The following MAX variants were observed in gnomAD, a reference collection of about 807,000 sequenced individuals.
MAX encodes the protein protein max.
Under a neutral mutation model 22.3 loss-of-function variants are expected in MAX, and 3 were observed. The observed-to-expected ratio is 0.13, with a 90% CI of 0.06 to 0.35. MAX has a LOEUF of 0.35. Ranked by LOEUF, MAX falls within the 10% of genes least tolerant of loss-of-function variation. The pLI is 1.00. For synonymous variants in MAX, 72 were observed against 77.7 expected (o/e 0.93, Z 0.39); for missense variants, 119 against 209.4 (o/e 0.57, Z 2.66).
Position 65,032,549 on chromosome 14 carries a change from T to C in MAX, c.172-26265A>G, listed in dbSNP as rs2062106830. On this transcript the variant is annotated intron_variant, in intron 3 of 3. Transcript: ENST00000341653. The surrounding 1 kb of genome is among the most constrained non-coding windows in gnomAD (Gnocchi z 5.0). ...AAGGCGAGCAGTCCGCCCGCGGAGT[T>C]CACTGAGCCTCATTAGCTCTTCCGT... 2.5e-6 allele frequency: 4 copies of C among 1,592,174 alleles called. No homozygotes were observed. Among genetic ancestry groups the C allele is most frequent in the African/African-American group, 1.3e-5 (1 of 74,330 alleles).
At position 65,054,712 on chromosome 14, in the gene MAX, C is replaced by T; in HGVS notation, c.171+38996G>A. On this transcript the variant is annotated intron_variant, in intron 3 of 3. Transcript: ENST00000341653. The surrounding 1 kb of genome is among the most constrained non-coding windows in gnomAD (Gnocchi z 4.4). ...CTGGTAAGACGGGTGCAGGGCTTCA[C>T]ACCCCTTCTCCACAGGGACCTCGCG... 2 of 1,587,596 alleles carry T rather than the reference C, an allele frequency of 1.3e-6. No homozygotes were observed. Among genetic ancestry groups the T allele is most frequent in the East Asian group, 4.6e-5 (2 of 43,086 alleles).
chr14:65,067,751 A>G (rs1408090720), intron 3 of MAX, among the ~76,000 whole-genome samples: 1 of 150,806 alleles, frequency 6.6e-6, no homozygotes, highest in African/African-American at 2.4e-5. Context: ...CTTCCTGAGT[A>G]GGTGGGACCA....
At position 65,084,389 on chromosome 14, in the gene MAX, C is replaced by G. The variant is rs1385500015; in HGVS notation, c.172-6353G>C. On this transcript the variant is annotated intron_variant, in intron 3 of 4. Coordinates refer to ENST00000358664, the MANE Select transcript of MAX (RefSeq NM_002382.5). This position sits in a 1 kb window ranked among gnomAD's most constrained non-coding sequence, Gnocchi z 4.3. ...AACTTTTGTTTACTGAATTAGTTAC[C>G]CTCTTCCAAAAAAAAAAATTCCAGT... The G allele has an allele frequency of 1.2e-6, 1 of 829,526 alleles. No homozygotes were observed. The highest frequency in any genetic ancestry group is 1.7e-5 in the African/African-American group (1 of 57,694). The allele number at this position is 829,526 out of a possible 1,614,324, so 51.4% of individuals were successfully genotyped here. A position where few individuals can be genotyped will look rare whatever the true frequency, so the allele number is the denominator to read the frequency against.
rs767329195 is a variant in MAX, at chr14:65,011,431, GAAAAAAA to G, written c.172-5154_172-5148del. On this transcript the variant is annotated intron_variant, in intron 3 of 3. Coordinates refer to the MAX transcript ENST00000341653. The surrounding 1 kb of genome is among the most constrained non-coding windows in gnomAD (Gnocchi z 4.0). ...GTGACAGAGCGAGACTCCGTCTCAG[GAAAAAAA>G]AAAAAAAAAAAAAAGACTGCATGAA... is the stretch of plus-strand genomic sequence containing the variant. 2.9e-4 allele frequency among the ~76,000 whole-genome samples: 23 copies of G among 80,088 alleles called. No homozygotes were observed. The highest frequency in any genetic ancestry group is 4.3e-4 in the Non-Finnish European group (16 of 36,962). The allele number at this position is 80,088 out of a possible 152,430, so 52.5% of individuals were successfully genotyped here. A position where few individuals can be genotyped will look rare whatever the true frequency, so the allele number is the denominator to read the frequency against.
chr14:65,045,329 A>G lies in MAX; in HGVS notation c.172-39045T>C, dbSNP rs111933867. Among the ~76,000 whole-genome samples the G allele has an allele frequency of 4.3e-3, 650 of 152,070 alleles. 9 individuals are homozygous for G. The highest frequency in any genetic ancestry group is 0.04 in the East Asian group (206 of 5,150). On this transcript the variant is annotated intron_variant, in intron 3 of 3. Coordinates refer to the MAX transcript ENST00000341653. Reference sequence around the variant, plus strand: ...TCTTCGGACTTAGTTGGATAATGTAACTGCTCAAATGTAAAAGATGAGATT... The same window carrying G: ...TCTTCGGACTTAGTTGGATAATGTAGCTGCTCAAATGTAAAAGATGAGATT...
rs1441510996 is a variant in MAX at position 65,080,829 on chromosome 14, TCA to T, written c.172-2795_172-2794del. On this transcript the variant is annotated intron_variant, in intron 3 of 4. Transcript: ENST00000358664. Reference sequence around the variant, plus strand: ...GAAACCAGAGAGCACTTGCAAATGTTCAGTGATAACTTTTAATGAATGACCAG... The same window carrying T: ...GAAACCAGAGAGCACTTGCAAATGTTGTGATAACTTTTAATGAATGACCAG... Among the ~76,000 whole-genome samples, 3 of 152,214 alleles carry T rather than the reference TCA, an allele frequency of 2.0e-5. No individual in the cohort carries two copies. In the East Asian group the frequency reaches 5.8e-4, roughly 29 times the overall value.
rs920569136 is a variant in MAX, at chr14:65,078,731, T to C, written c.172-695A>G. ...TTTTAATAAAGATGGGGTTTCACCA[T>C]GTTGGCCAGACTGGTCTCAAACTCC... On this transcript the variant is annotated intron_variant, in intron 3 of 4. Transcript: ENST00000358664. This position sits in a 1 kb window ranked among gnomAD's most constrained non-coding sequence, Gnocchi z 6.4. Among the ~76,000 whole-genome samples the C allele has an allele frequency of 2.0e-5, 3 of 152,288 alleles. No homozygotes were observed. Among genetic ancestry groups the C allele is most frequent in the Middle Eastern group, 3.4e-3 (1 of 294 alleles).
At chr14:65,067,048 C>T (rs367966512) in intron 3 of MAX, among the ~76,000 whole-genome samples, 6 of 150,456 alleles carry the variant, frequency 4.0e-5, no homozygotes, top group East Asian at 2.0e-4. Flanking sequence ...TAGTCGGATG[C>T]GGTGGCACAC....
In MAX at chr14:65,076,437, G is replaced by A; in HGVS notation, c.*39C>T. ...GAACTGAAAGGAGGATGAGACGATG[G>A]AGACAGACAGTTTTTATTGCTGGCC... On this transcript the variant is annotated 3_prime_UTR_variant, in exon 5 of 5. Transcript: ENST00000358664. This position sits in a 1 kb window ranked among gnomAD's most constrained non-coding sequence, Gnocchi z 6.6. 2 of 1,612,244 alleles carry A rather than the reference G, an allele frequency of 1.2e-6. No individual in the cohort carries two copies. Among genetic ancestry groups the A allele is most frequent in the Non-Finnish European group, 1.7e-6 (2 of 1,180,022 alleles).
chr14:65,043,828 CAAAAAAAAAAAAAAA>C (rs749243788), intron 3 of MAX, among the ~76,000 whole-genome samples: 14 of 64,232 alleles, frequency 2.2e-4, no homozygotes, highest in Non-Finnish European at 3.0e-4. Context: ...GACTCCGTCT[CAAAAAAAAAAAAAAA>C]AAAAAAAAAA....
intron 3 of MAX, among the ~76,000 whole-genome samples, chr14:65,064,205 AT>A (rs1487590386): frequency 6.6e-6 from 1 of 152,214 alleles, no homozygotes; most frequent in African/African-American, 2.4e-5. Context: ...TTCATGTAAT[AT>A]TAGTGTCAAG....
chr14:65,056,059 T>C (rs2139683340), intron 3 of MAX, among the ~76,000 whole-genome samples: 1 of 152,366 alleles, frequency 6.6e-6, no homozygotes, highest in South Asian at 2.1e-4. Context: ...TGGATGTTTT[T>C]GTGCTATTGC....
chr14:65,042,132 CT>C (rs368977703), intron 3 of MAX, among the ~76,000 whole-genome samples: 65 of 151,948 alleles, frequency 4.3e-4, no homozygotes, highest in Non-Finnish European at 7.9e-4. Flanking sequence ...CAGTAATAAT[CT>C]TTTTGGCACA....
downstream of MAX, among the ~76,000 whole-genome samples, chr14:65,070,154 C>CA (rs1419430066): frequency 2.0e-5 from 3 of 152,184 alleles, no homozygotes; most frequent in Non-Finnish European, 4.4e-5. This position sits in a 1 kb window ranked among gnomAD's most constrained non-coding sequence, Gnocchi z 4.4. Context: ...TCAGACTTTG[C>CA]ATGGCTCATT....
intron 3 of MAX, among the ~76,000 whole-genome samples, chr14:65,025,259 C>G (rs1027372555): frequency 2.0e-5 from 3 of 152,104 alleles, no homozygotes; most frequent in Non-Finnish European, 2.9e-5. Context: ...GTGTTGCGTT[C>G]GGCACGATTC....
At chr14:65,074,399 C>T (rs571878659), downstream of MAX, among the ~76,000 whole-genome samples, 2 of 152,206 alleles carry the variant, frequency 1.3e-5, no homozygotes, top group African/African-American at 4.8e-5. Flanking sequence ...CCCATCTGCC[C>T]CAGCTCCCAT....
Position 65,076,352 on chromosome 14 carries a change from A to C in MAX, c.*124T>G. ...TCTACGTAAAAATAAAAATTTAAAA[A>C]AAAAAGGGAGAAAGAGAAAAATAAA... On this transcript the variant is annotated 3_prime_UTR_variant, in exon 5 of 5. Transcript: ENST00000358664. This position sits in a 1 kb window ranked among gnomAD's most constrained non-coding sequence, Gnocchi z 6.6. 6.5e-7 allele frequency: 1 copy of C among 1,549,910 alleles called. No individual in the cohort carries two copies. The highest frequency in any genetic ancestry group is 8.7e-7 in the Non-Finnish European group (1 of 1,152,370).
In MAX at chr14:65,076,597, C is replaced by T; in HGVS notation, c.362G>A (p.Ser121Asn). 6.2e-7 allele frequency: 1 copy of T among 1,614,050 alleles called. No individual in the cohort carries two copies. Residue 121 changes from serine (S) to asparagine (N), a missense_variant, in exon 5 of 5, where the codon AGC becomes AAC. Coordinates refer to ENST00000358664, the MANE Select transcript of MAX (RefSeq NM_002382.5). This position sits in a 1 kb window ranked among gnomAD's most constrained non-coding sequence, Gnocchi z 6.6. ...LQTNYPSSDN[S>N]LYTNAKGSTI... ...GCTGCCCTTGGCGTTGGTGTAGAGG[C>T]TGTTGTCTGAGGAGGGGTAGTTGGT...
exon 4 of MAX, chr14:65,006,264 G>C: frequency 6.2e-7 from 1 of 1,613,620 alleles, no homozygotes; most frequent in Non-Finnish European, 8.5e-7. Flanking sequence ...CAGGTGGGAG[G>C]GTTAACTTCA....
Sources: gnomAD v4.1 joint callset for allele counts (sites outside exome capture counted in the v4.1 genomes callset) on GRCh38, gnomAD v4.1.1 for gene constraint, Gnocchi (gnomAD v3.1) non-coding constraint, MANE v1.5 for transcripts, NCBI Gene and HGNC (gene_info 2026-07-23, HGNC 2026-07-21) for gene names.